Variants in PRKCB observed in about 807,000 individuals in gnomAD.
The protein encoded by PRKCB is protein kinase C beta.
PRKCB carries 13 observed loss-of-function variants against 81.5 expected under a neutral mutation model. That is an observed-to-expected ratio of 0.16 (90% CI 0.10 to 0.25). PRKCB has a LOEUF of 0.25. PRKCB is among the 10% of genes least tolerant of loss of function. The pLI is 1.00. For missense variants in PRKCB, 509 were observed against 875.7 expected (o/e 0.58, Z 5.29); for synonymous variants, 335 against 321.4 (o/e 1.04, Z -0.45).
chr16:24,174,366 G>T, intron 11 of PRKCB, 152 bp from the exon 12 acceptor site: 1 of 671,446 alleles, frequency 1.5e-6, no homozygotes, highest in South Asian at 2.1e-5. Context: ...GAATCCATCT[G>T]TACTTTCAGC....
In PRKCB at chr16:24,216,106, A is replaced by G; in HGVS notation, c.*1290A>G. On this transcript the variant is annotated 3_prime_UTR_variant, in exon 17 of 17. Coordinates refer to ENST00000643927, the MANE Select transcript of PRKCB (RefSeq NM_002738.7). Reference sequence around the variant, plus strand: ...GGAGGGAACTCAGGAGAAAGGAACTAACTGCGGAGCTTTAATCTTGGCCCC... The same window carrying G: ...GGAGGGAACTCAGGAGAAAGGAACTGACTGCGGAGCTTTAATCTTGGCCCC... 1 of 985,462 alleles carries G rather than the reference A, an allele frequency of 1.0e-6. No homozygotes were observed. Among genetic ancestry groups the G allele is most frequent in the South Asian group, 4.7e-5 (1 of 21,290 alleles). 61.0% of individuals were successfully genotyped at this position (985,462 alleles called of 1,614,324 possible).
chr16:24,047,055 T>C (rs903381501), intron 5 of PRKCB, among the ~76,000 whole-genome samples: 3 of 151,852 alleles, frequency 2.0e-5, no homozygotes, highest in Non-Finnish European at 4.4e-5. Context: ...ATTAGCTGGG[T>C]AGGCAGGGTG....
chr16:24,047,231 G>A (rs11645204), intron 5 of PRKCB, among the ~76,000 whole-genome samples: 80,273 of 151,684 alleles, frequency 0.53, 22,364 homozygotes, highest in African/African-American at 0.71. Flanking sequence ...AGTCCCAACT[G>A]CTCAGGAGGC....
At chr16:24,035,730 G>T (rs1965607648) in intron 5 of PRKCB, among the ~76,000 whole-genome samples, 183 bp downstream of exon 5, 1 of 152,174 alleles carries the variant, frequency 6.6e-6, no homozygotes, top group Admixed American at 6.5e-5. Context: ...GCAGCAGGGG[G>T]ATCTTTAGAA....
At chr16:23,868,600 C>T (rs1962846969) in intron 2 of PRKCB, among the ~76,000 whole-genome samples, 1 of 152,130 alleles carries the variant, frequency 6.6e-6, no homozygotes, top group Non-Finnish European at 1.5e-5. Flanking sequence ...AATGGCAGAG[C>T]CATGATTTAA....
intron 16 of PRKCB, among the ~76,000 whole-genome samples, chr16:24,202,124 G>A (rs1420972263): frequency 6.6e-6 from 1 of 152,096 alleles, no homozygotes; most frequent in Admixed American, 6.5e-5. Flanking sequence ...AACAGCAGCT[G>A]TCCTTTCTGA....
intron 5 of PRKCB, among the ~76,000 whole-genome samples, chr16:24,036,917 A>G (rs1438829092): frequency 6.6e-6 from 1 of 152,178 alleles, no homozygotes; most frequent in Non-Finnish European, 1.5e-5. Context: ...GCCAACATTT[A>G]TGGGCCGCAT....
At chr16:24,134,127 G>A (rs1461209777) in intron 9 of PRKCB, among the ~76,000 whole-genome samples, 1 of 151,832 alleles carries the variant, frequency 6.6e-6, no homozygotes, top group Non-Finnish European at 1.5e-5. Context: ...CGAACTCCTG[G>A]GCTCAGGGAA....
intron 5 of PRKCB, among the ~76,000 whole-genome samples, chr16:24,058,833 AAAG>A (rs940416438): frequency 9.2e-5 from 14 of 152,348 alleles, no homozygotes; most frequent in African/African-American, 3.4e-4. Flanking sequence ...TGACAATTAA[AAAG>A]AAGGATTAAA....
At chr16:24,021,000 CTTTCTTTCTTTCTTTCTTTCTT>C (rs1567346645) in intron 3 of PRKCB, among the ~76,000 whole-genome samples, 5 of 137,818 alleles carry the variant, frequency 3.6e-5, no homozygotes, top group South Asian at 2.4e-4. Flanking sequence ...TTCTTTCTTT[CTTTCTTTCTTTCTTTCTTTCTT>C]TCTTTCTTTC....
intron 9 of PRKCB, among the ~76,000 whole-genome samples, chr16:24,140,334 C>T (rs1966886524): frequency 1.3e-5 from 2 of 152,176 alleles, no homozygotes; most frequent in South Asian, 4.1e-4. Context: ...CGCCAACAAC[C>T]ATGGTGAATG....
chr16:24,017,564 T>G (rs1235149754), intron 3 of PRKCB, among the ~76,000 whole-genome samples: 2 of 151,910 alleles, frequency 1.3e-5, no homozygotes, highest in African/African-American at 4.8e-5. Context: ...TCGACAAAAT[T>G]AAAAGGCAAA....
At position 23,957,180 on chromosome 16, in the gene PRKCB, C is replaced by T. The variant is rs1455587829; in HGVS notation, c.206-31328C>T. ...ATAAGAAAGACTATTAAAAATAGGT[C>T]CAGTAGATAATGTACAATGGTTTCC... On this transcript the variant is annotated intron_variant, in intron 2 of 16. Transcript: ENST00000643927. Among the ~76,000 whole-genome samples the T allele has an allele frequency of 4.0e-5, 6 of 151,740 alleles. No individual in the cohort carries two copies. The South Asian group carries it at 1.0e-3, about 26-fold the overall frequency.
rs1963308926 is a variant in PRKCB at position 23,892,368 on chromosome 16, C to T, written c.205+54962C>T. Among the ~76,000 whole-genome samples the T allele has an allele frequency of 2.0e-5, 3 of 152,174 alleles. 1 individual carries two copies. The highest frequency in any genetic ancestry group is 7.2e-5 in the African/African-American group (3 of 41,448). ...CCATTGCTTCAGGATGCAGTATCAG[C>T]TGATTTGGTGGATTAAATCGTTTTA... On this transcript the variant is annotated intron_variant, in intron 2 of 16. Transcript: ENST00000643927.
intron 2 of PRKCB, among the ~76,000 whole-genome samples, chr16:23,943,921 T>C (rs7184277): frequency 0.054 from 8,241 of 152,244 alleles, 302 homozygotes; most frequent in Non-Finnish European, 0.077. Context: ...AGGCACCAGG[T>C]CCCTGGACTT....
intron 16 of PRKCB, among the ~76,000 whole-genome samples, chr16:24,199,644 C>T (rs925759845): frequency 1.3e-5 from 2 of 152,192 alleles, no homozygotes; most frequent in Non-Finnish European, 2.9e-5. Context: ...CTTTACTGTT[C>T]AAATATATTA....
At chr16:23,926,117 T>C (rs1210737946) in intron 2 of PRKCB, among the ~76,000 whole-genome samples, 2 of 151,692 alleles carry the variant, frequency 1.3e-5, no homozygotes, top group African/African-American at 4.8e-5. Flanking sequence ...TCTATAAAAA[T>C]TAAATTAGCC....
intron 3 of PRKCB, among the ~76,000 whole-genome samples, chr16:23,994,388 A>T (rs1188571136): frequency 2.0e-5 from 3 of 152,190 alleles, no homozygotes; most frequent in Non-Finnish European, 4.4e-5. Flanking sequence ...GAATCCCCAT[A>T]CTGGTTCTTT....
chr16:24,145,311 G>C (rs1966972208), intron 9 of PRKCB, among the ~76,000 whole-genome samples: 2 of 152,178 alleles, frequency 1.3e-5, no homozygotes. Flanking sequence ...AGGTGCAGTG[G>C]TTCATGCCTG....
Sources: gnomAD v4.1 joint callset for allele counts (sites outside exome capture counted in the v4.1 genomes callset) on GRCh38, gnomAD v4.1.1 for gene constraint, MANE v1.5 for transcripts, NCBI Gene and HGNC (gene_info 2026-07-23, HGNC 2026-07-21) for gene names.